The following ATP2B2 variants were observed in gnomAD, a reference collection of about 807,000 sequenced individuals.
ATP2B2 encodes the protein plasma membrane calcium-transporting ATPase 2.
In ATP2B2, 15 loss-of-function variants were observed where a neutral mutation model predicts 120.0. The ratio of observed to expected loss-of-function variants is 0.12; its 90% CI spans 0.08 to 0.19. ATP2B2 has a LOEUF of 0.19. ATP2B2 is among the 10% of genes least tolerant of loss of function. The pLI, the probability that ATP2B2 is intolerant of heterozygous loss-of-function variation, is 1.00. For missense variants in ATP2B2, 1,045 were observed against 1,719.8 expected (o/e 0.61, Z 6.94); for synonymous variants, 694 against 700.3 (o/e 0.99, Z 0.14).
rs772766333 is a variant in ATP2B2 at position 10,402,168 on chromosome 3, G to A, written c.578C>T (p.Thr193Ile). The part of the protein sequence containing the change: ...QSRIEQEQKF[T>I]VVRAGQVVQI... ...GACCACCTGGCCAGCCCGGACCACGGTAAATTTCTGTTCCTGCTCGATGCG... is the reference window on the plus strand; with the variant it reads ...GACCACCTGGCCAGCCCGGACCACGATAAATTTCTGTTCCTGCTCGATGCG... Residue 193 changes from threonine (T) to isoleucine (I), a missense_variant, in exon 4 of 23, where the codon ACC (threonine) becomes ATC (isoleucine). This residue lies in a region of ATP2B2 where 30 missense variants were observed against 66.7 expected (regional missense o/e 0.45). Coordinates refer to ENST00000360273, the MANE Select transcript of ATP2B2 (RefSeq NM_001001331.4). The surrounding 1 kb of genome is among the most constrained non-coding windows in gnomAD (Gnocchi z 4.9). 4 of 1,614,166 alleles carry A rather than the reference G, an allele frequency of 2.5e-6. No homozygotes were observed. The South Asian group carries it at 3.3e-5, about 13-fold the overall frequency.
At chr3:10,466,795 C>T (rs1273035790) in intron 1 of ATP2B2, among the ~76,000 whole-genome samples, 7 of 152,114 alleles carry the variant, frequency 4.6e-5, no homozygotes, top group South Asian at 2.1e-4. Flanking sequence ...CAAAAGGATC[C>T]GTTGACCATT....
chr3:10,395,714 A>G (rs977331528), intron 5 of ATP2B2, among the ~76,000 whole-genome samples: 4 of 152,190 alleles, frequency 2.6e-5, no homozygotes, highest in African/African-American at 4.8e-5. Context: ...ACCCATAGGG[A>G]CCTTAAAATG....
chr3:10,628,731 G>C (rs780376587), intron 1 of ATP2B2, among the ~76,000 whole-genome samples: 3 of 152,216 alleles, frequency 2.0e-5, no homozygotes, highest in Non-Finnish European at 4.4e-5. Context: ...CAGAAAGGCA[G>C]TCACCACGGT....
Position 10,329,237 on chromosome 3 carries a change from A to C in ATP2B2, c.3421-112T>G. The C allele has an allele frequency of 2.8e-6, 3 of 1,077,904 alleles. No homozygotes were observed. The highest frequency in any genetic ancestry group is 2.8e-6 in the Non-Finnish European group (2 of 710,950). The allele number at this position is 1,077,904 out of a possible 1,614,324, so 66.8% of individuals were successfully genotyped here. A position where few individuals can be genotyped will look rare whatever the true frequency, so the allele number is the denominator to read the frequency against. ...GGTTAGGGCAAAGCAGGTGGCTGGA[A>C]TCCATAGTCGCTGGGTGTTATTAGC... On this transcript the variant is annotated intron_variant, in intron 22 of 22. Coordinates refer to ENST00000360273, the MANE Select transcript of ATP2B2 (RefSeq NM_001001331.4). This position sits in a 1 kb window ranked among gnomAD's most constrained non-coding sequence, Gnocchi z 5.9.
intron 3 of ATP2B2, 92 bp downstream of exon 3, chr3:10,410,521 GGAGGA>G (rs1663641013): frequency 4.2e-6 from 6 of 1,424,160 alleles, no homozygotes; most frequent in Admixed American, 2.2e-5. Flanking sequence ...TCTTCCCCTG[GGAGGA>G]GAGGATTATT....
intron 2 of ATP2B2, among the ~76,000 whole-genome samples, chr3:10,591,907 C>G (rs1248882550): frequency 1.3e-5 from 2 of 152,110 alleles, no homozygotes; most frequent in Non-Finnish European, 2.9e-5. Context: ...ACCACAGGGA[C>G]TGAGACAAGA....
chr3:10,444,752 C>T (rs1288399516), intron 2 of ATP2B2, among the ~76,000 whole-genome samples: 1 of 152,228 alleles, frequency 6.6e-6, no homozygotes, highest in Non-Finnish European at 1.5e-5. Context: ...TGGCTCAGGG[C>T]AGCGCAACGC....
In ATP2B2 at chr3:10,386,568, C is replaced by T. The variant is rs139151152; in HGVS notation, c.908-56G>A. On this transcript the variant is annotated intron_variant, in intron 6 of 22. Transcript: ENST00000360273. Reference sequence around the variant, plus strand: ...AAGGAGAAGCACACAGCCTCATCTGCCCATGCGCACGCGCACACACACAAA... The same window carrying T: ...AAGGAGAAGCACACAGCCTCATCTGTCCATGCGCACGCGCACACACACAAA... 2.3e-3 allele frequency: 3,586 copies of T among 1,584,704 alleles called. 8 individuals are homozygous for T. Among genetic ancestry groups the T allele is most frequent in the Non-Finnish European group, 2.9e-3 (3,359 of 1,153,350 alleles).
intron 12 of ATP2B2, among the ~76,000 whole-genome samples, chr3:10,361,330 G>A (rs889457666): frequency 2.6e-5 from 4 of 152,160 alleles, no homozygotes; most frequent in Non-Finnish European, 5.9e-5. Flanking sequence ...AACTGCGCCC[G>A]GTTGTAACAC....
At chr3:10,522,953 G>A (rs2067014576) in intron 3 of ATP2B2, among the ~76,000 whole-genome samples, 1 of 152,204 alleles carries the variant, frequency 6.6e-6, no homozygotes, top group Non-Finnish European at 1.5e-5. Context: ...GGACACAGGT[G>A]GAAGAATTAG....
intron 1 of ATP2B2, among the ~76,000 whole-genome samples, chr3:10,650,697 T>G (rs2070435347): frequency 6.6e-6 from 1 of 152,218 alleles, no homozygotes. Flanking sequence ...CTTGCCCCCC[T>G]GCTCTGTGCA....
intron 1 of ATP2B2, among the ~76,000 whole-genome samples, chr3:10,475,543 T>G (rs918650854): frequency 9.2e-5 from 14 of 152,204 alleles, no homozygotes; most frequent in Non-Finnish European, 1.8e-4. Flanking sequence ...GCTCTACTAC[T>G]TGCCACATGG....
intron 1 of ATP2B2, among the ~76,000 whole-genome samples, chr3:10,655,647 C>G (rs6795552): frequency 0.084 from 12,816 of 152,202 alleles, 781 homozygotes; most frequent in African/African-American, 0.17. Context: ...GAAGAACAGG[C>G]CCCATGTCCC....
intron 2 of ATP2B2, among the ~76,000 whole-genome samples, chr3:10,594,543 G>A (rs1460810245): frequency 1.6e-4 from 21 of 132,976 alleles, no homozygotes; most frequent in Non-Finnish European, 2.3e-4. Context: ...CAGGAAGGGG[G>A]ACATCACACA....
In ATP2B2 at chr3:10,346,989, C is replaced by G. The variant is rs2060449455; in HGVS notation, c.2405-852G>C. ...TTCCTCTCACTGACTCTGGACTCCC[C>G]CTCCAACTTGCTTCCCCACAGCAAC... On this transcript the variant is annotated intron_variant, in intron 16 of 22. Transcript: ENST00000360273. The surrounding 1 kb of genome is among the most constrained non-coding windows in gnomAD (Gnocchi z 4.1). Among the ~76,000 whole-genome samples, 1 of 152,154 alleles carries G rather than the reference C, an allele frequency of 6.6e-6. No individual in the cohort carries two copies. The highest frequency in any genetic ancestry group is 1.5e-5 in the Non-Finnish European group (1 of 68,032).
intron 1 of ATP2B2, among the ~76,000 whole-genome samples, chr3:10,643,816 A>G (rs747130328): frequency 3.3e-5 from 5 of 151,228 alleles, no homozygotes; most frequent in Non-Finnish European, 5.9e-5. Context: ...GTGCTGGAGG[A>G]AAAAAAAATG....
Position 10,685,524 on chromosome 3 carries a change from ATG to A in ATP2B2, c.-460+22389_-460+22390del, listed in dbSNP as rs148191924. Among the ~76,000 whole-genome samples, 27 of 149,946 alleles carry A rather than the reference ATG, an allele frequency of 1.8e-4. No individual in the cohort carries two copies. In the East Asian group the frequency reaches 2.6e-3, roughly 14 times the overall value. ...AGAGAGAGAGAGAGAGAGTGTGTGT[ATG>A]TGTGTGTGTGTGTGTGCACGTATAC... On this transcript the variant is annotated intron_variant, in intron 1 of 21. Coordinates refer to the ATP2B2 transcript ENST00000646379.
intron 2 of ATP2B2, among the ~76,000 whole-genome samples, chr3:10,553,096 T>G (rs887048874): frequency 1.3e-5 from 2 of 152,206 alleles, no homozygotes; most frequent in Non-Finnish European, 2.9e-5. Context: ...CAGGGTTAAA[T>G]GAGGGAACAT....
At chr3:10,648,633 C>T (rs529744629) in intron 1 of ATP2B2, among the ~76,000 whole-genome samples, 2 of 152,320 alleles carry the variant, frequency 1.3e-5, no homozygotes, top group East Asian at 3.9e-4. Context: ...CCCAAACTCC[C>T]CCAAACCTGG....
Sources: allele counts gnomAD v4.1 joint callset (sites outside exome capture counted in the v4.1 genomes callset), GRCh38; gene constraint gnomAD v4.1.1; regional missense constraint gnomAD v4.1.1; non-coding constraint Gnocchi (gnomAD v3.1); transcripts MANE v1.5; gene names NCBI Gene and HGNC (gene_info 2026-07-23, HGNC 2026-07-21).